VAPB: variants seen among roughly 807,000 people sequenced by gnomAD.
VAPB encodes VAMP associated protein B and C, also known as vesicle-associated membrane protein-associated protein B/C.
In VAPB, 7 loss-of-function variants were observed where a neutral mutation model predicts 25.6. The observed-to-expected ratio is 0.27, with a 90% CI of 0.16 to 0.51. The LOEUF (loss-of-function observed/expected upper bound fraction) is 0.51, where lower values mean the gene tolerates loss of function less well. Among genes scored for constraint, VAPB ranks in the 20% least tolerant of loss-of-function variants. The pLI is 0.97. For synonymous variants in VAPB, 112 were observed against 109.2 expected, an observed-to-expected ratio of 1.03 and a Z score of -0.16; for missense variants, 266 against 301.3, an observed-to-expected ratio of 0.88 and a Z score of 0.87.
intron 1 of VAPB, among the ~76,000 whole-genome samples, chr20:58,393,434 T>C (rs1227985132): frequency 6.6e-6 from 1 of 152,224 alleles, no homozygotes; most frequent in African/African-American, 2.4e-5. Flanking sequence ...TTCCAAGTCC[T>C]AATCGTTTCC....
intron 1 of VAPB, among the ~76,000 whole-genome samples, chr20:58,409,810 A>G (rs942580027): frequency 6.6e-6 from 1 of 152,072 alleles, no homozygotes; most frequent in Non-Finnish European, 1.5e-5. Flanking sequence ...ATAAATAACA[A>G]AGGAAGGATA....
chr20:58,398,909 G>GA (rs1988027872), intron 1 of VAPB, among the ~76,000 whole-genome samples: 1 of 151,562 alleles, frequency 6.6e-6, no homozygotes, highest in Non-Finnish European at 1.5e-5. Context: ...TAAAAGATAA[G>GA]TGGGAGTGTG....
intron 1 of VAPB, among the ~76,000 whole-genome samples, chr20:58,397,519 CA>C (rs535438075): frequency 1.2e-3 from 140 of 112,896 alleles, no homozygotes; most frequent in Admixed American, 1.3e-3. Context: ...AACTCTGTCT[CA>C]AAAAAAAAAA....
At chr20:58,416,068 T>G (rs547274137) in intron 1 of VAPB, among the ~76,000 whole-genome samples, 34 of 152,286 alleles carry the variant, frequency 2.2e-4, no homozygotes, top group African/African-American at 7.5e-4. Flanking sequence ...CTCCAGATTT[T>G]TACAAATAAA....
At chr20:58,417,980 C>T (rs552831401) in intron 1 of VAPB, among the ~76,000 whole-genome samples, 1 of 152,186 alleles carries the variant, frequency 6.6e-6, no homozygotes, top group African/African-American at 2.4e-5. Context: ...AATGAGATGC[C>T]ATATGTTAGA....
At position 58,450,936 on chromosome 20, in the gene VAPB, G is replaced by T; in HGVS notation, c.*6701G>T. The T allele has an allele frequency of 2.2e-6, 1 of 454,074 alleles. No individual in the cohort carries two copies. Among genetic ancestry groups the T allele is most frequent in the South Asian group, 1.6e-5 (1 of 64,460 alleles). The allele number at this position is 454,074 out of a possible 1,614,324, so 28.1% of individuals were successfully genotyped here. ...CAGCTGACATGATGTTTCCCAGAGA[G>T]AAGGAGATGTATTTCTGCAGGGTCC... On this transcript the variant is annotated 3_prime_UTR_variant, in exon 6 of 6. Coordinates refer to ENST00000475243, the MANE Select transcript of VAPB (RefSeq NM_004738.5).
intron 1 of VAPB, among the ~76,000 whole-genome samples, chr20:58,400,482 C>A (rs755416029): frequency 6.6e-6 from 1 of 152,162 alleles, no homozygotes; most frequent in Non-Finnish European, 1.5e-5. Flanking sequence ...GGACTCTGAT[C>A]CAGTTTTTTC....
intron 1 of VAPB, among the ~76,000 whole-genome samples, chr20:58,407,550 G>C (rs1243106041): frequency 6.6e-6 from 1 of 151,982 alleles, no homozygotes; most frequent in African/African-American, 2.4e-5. Context: ...TTAATAATTT[G>C]TTAGAAGACT....
chr20:58,413,675 G>C (rs1316461265), intron 1 of VAPB, among the ~76,000 whole-genome samples: 2 of 151,870 alleles, frequency 1.3e-5, no homozygotes, highest in African/African-American at 4.8e-5. Flanking sequence ...CCTCCCAGAC[G>C]GGGTGGTGGC....
rs1482046372 is a variant in VAPB at position 58,394,462 on chromosome 20, CTG to C, written c.58+4948_58+4949del. ...ACACTTCATGATCACGTGGAGCAGA[CTG>C]TGCTTTACAGCACAACAGAGCGTCA... On this transcript the variant is annotated intron_variant, in intron 1 of 5. Transcript: ENST00000475243. 2.0e-5 allele frequency among the ~76,000 whole-genome samples: 3 copies of C among 152,384 alleles called. No individual in the cohort carries two copies. In the East Asian group the frequency reaches 5.8e-4, roughly 29 times the overall value.
At chr20:58,437,079 C>T (rs562220682) in intron 3 of VAPB, among the ~76,000 whole-genome samples, 1 of 136,020 alleles carries the variant, frequency 7.4e-6, no homozygotes, top group South Asian at 2.4e-4. Context: ...GGCTTGACCT[C>T]CACCTCAGCT....
At chr20:58,437,280 C>CA (rs1212401416) in intron 3 of VAPB, among the ~76,000 whole-genome samples, 1 of 145,922 alleles carries the variant, frequency 6.9e-6, no homozygotes, top group Non-Finnish European at 1.5e-5. Context: ...CTTTGAACTT[C>CA]TTTTTTTTTT....
rs538630783 is a variant in VAPB, at chr20:58,441,006, G to A, written c.496G>A (p.Val166Ile). The A allele has an allele frequency of 3.5e-5, 56 of 1,614,106 alleles. No individual in the cohort carries two copies. The Admixed American group carries it at 9.0e-4, about 26-fold the overall frequency. ...SLSSSLDDTE[V>I]KKVMEECKRL... ...GAGTTCTTCTTTGGATGACACCGAA[G>A]TTAAGAAGGTTATGGAAGAATGTAA... Residue 166 changes from valine to isoleucine, a missense_variant, in exon 5 of 6, where the codon GTT (valine) becomes ATT (isoleucine). Physicochemically the swap from Val to Ile is conservative, Grantham distance 29. Around this residue, in one of 3 missense-constraint regions of VAPB, gnomAD observed 136 missense variants for 130.7 expected, o/e 1.04. Coordinates refer to ENST00000475243, the MANE Select transcript of VAPB (RefSeq NM_004738.5).
chr20:58,393,372 C>G (rs1871720825), intron 1 of VAPB, among the ~76,000 whole-genome samples: 1 of 151,060 alleles, frequency 6.6e-6, no homozygotes, highest in African/African-American at 2.5e-5. Context: ...GTCTTTTTCA[C>G]TAAGTCATAG....
chr20:58,412,677 A>G (rs185968114), intron 1 of VAPB, among the ~76,000 whole-genome samples: 1 of 152,070 alleles, frequency 6.6e-6, no homozygotes, highest in East Asian at 1.9e-4. Flanking sequence ...TAATACAGAT[A>G]GGTAAGGCCT....
At chr20:58,431,202 T>C (rs1268137199) in intron 2 of VAPB, 2 of 152,260 alleles carry the variant, frequency 1.3e-5, no homozygotes, top group African/African-American at 4.8e-5. Context: ...GAATGGATTT[T>C]GTGATATCAT....
intron 5 of VAPB, 97 bp downstream of exon 5, chr20:58,441,180 T>G: frequency 7.3e-7 from 1 of 1,376,548 alleles, no homozygotes; most frequent in South Asian, 1.3e-5. Context: ...TATAGATTTC[T>G]TTTTGCTTTT....
intron 3 of VAPB, among the ~76,000 whole-genome samples, chr20:58,438,690 G>A (rs1878240258): frequency 6.6e-6 from 1 of 152,346 alleles, no homozygotes; most frequent in Admixed American, 6.5e-5. Flanking sequence ...GTAGCAACAT[G>A]GGGAGCATTG....
intron 1 of VAPB, among the ~76,000 whole-genome samples, chr20:58,408,489 A>G (rs1288620585): frequency 1.3e-5 from 2 of 152,232 alleles, no homozygotes; most frequent in East Asian, 3.8e-4. Flanking sequence ...TGTGTGAGCT[A>G]ACAATTCGAT....
Sources: gnomAD v4.1 joint callset for allele counts (sites outside exome capture counted in the v4.1 genomes callset) on GRCh38, gnomAD v4.1.1 for gene constraint, gnomAD v4.1.1 regional missense constraint, MANE v1.5 for transcripts, NCBI Gene and HGNC (gene_info 2026-07-23, HGNC 2026-07-21) for gene names.